The following TPD52L1 variants were observed in gnomAD, a reference collection of about 807,000 sequenced individuals.
TPD52L1 encodes tumor protein D53.
Under a neutral mutation model 28.7 loss-of-function variants are expected in TPD52L1, and 18 were observed. The observed-to-expected ratio is 0.63, with a 90% confidence interval of 0.43 to 0.93. The LOEUF is 0.93. Ranked by LOEUF, TPD52L1 falls within the 40% of genes least tolerant of loss-of-function variation. The pLI is 0.00. For synonymous variants in TPD52L1, 75 were observed against 88.8 expected, an observed-to-expected ratio of 0.84 and a Z score of 0.88; for missense variants, 203 against 254.8, an observed-to-expected ratio of 0.80 and a Z score of 1.39.
intron 1 of TPD52L1, among the ~76,000 whole-genome samples, chr6:125,176,897 G>C (rs888473155): frequency 2.2e-4 from 33 of 152,076 alleles, no homozygotes; most frequent in African/African-American, 7.5e-4. Flanking sequence ...AATTAGCTGG[G>C]TGTGATGGTG....
intron 1 of TPD52L1, among the ~76,000 whole-genome samples, chr6:125,208,656 T>C (rs1794319269): frequency 6.6e-6 from 1 of 152,174 alleles, no homozygotes; most frequent in Admixed American, 6.5e-5. Context: ...TGGTCTGCCC[T>C]TACACCCTCA....
At chr6:125,193,109 T>C (rs748876373) in intron 1 of TPD52L1, among the ~76,000 whole-genome samples, 15 of 152,210 alleles carry the variant, frequency 9.9e-5, no homozygotes, top group Non-Finnish European at 1.0e-4. Flanking sequence ...AAGCTAACTG[T>C]GATGACTGGG....
At chr6:125,194,483 T>TC (rs1438609929) in intron 1 of TPD52L1, among the ~76,000 whole-genome samples, 4 of 152,150 alleles carry the variant, frequency 2.6e-5, no homozygotes, top group Non-Finnish European at 5.9e-5. Flanking sequence ...GAATTCAACG[T>TC]CCTCTATGAT....
intron 1 of TPD52L1, among the ~76,000 whole-genome samples, chr6:125,160,716 T>C (rs1790461997): frequency 6.6e-6 from 1 of 151,974 alleles, no homozygotes; most frequent in Non-Finnish European, 1.5e-5. Context: ...TAAGGCTGTT[T>C]CATCTATATG....
At chr6:125,185,497 A>G (rs1165285272) in intron 1 of TPD52L1, among the ~76,000 whole-genome samples, 1 of 152,170 alleles carries the variant, frequency 6.6e-6, no homozygotes, top group Non-Finnish European at 1.5e-5. Context: ...AAAAATTTTA[A>G]CAACTTGGAA....
chr6:125,154,750 C>T (rs529730901), intron 1 of TPD52L1, among the ~76,000 whole-genome samples: 27 of 152,162 alleles, frequency 1.8e-4, no homozygotes, highest in African/African-American at 6.5e-4. Flanking sequence ...TGGAAAGGGG[C>T]AGAGGTGGGC....
intron 1 of TPD52L1, among the ~76,000 whole-genome samples, chr6:125,202,760 G>T (rs903011438): frequency 4.0e-4 from 36 of 89,052 alleles, no homozygotes; most frequent in African/African-American, 2.4e-3. Flanking sequence ...ACATTTGGAG[G>T]TTTATCTTTT....
intron 3 of TPD52L1, among the ~76,000 whole-genome samples, chr6:125,244,149 GGTGA>G (rs1438596865): frequency 6.6e-6 from 1 of 151,864 alleles, no homozygotes; most frequent in African/African-American, 2.4e-5. Context: ...TTGGTGAGTG[GGTGA>G]GTTCACTGCC....
intron 1 of TPD52L1, among the ~76,000 whole-genome samples, chr6:125,212,363 G>A (rs1372125934): frequency 1.3e-5 from 2 of 152,096 alleles, no homozygotes; most frequent in Non-Finnish European, 1.5e-5. Flanking sequence ...ATTCAAAAGC[G>A]ATTCTGCAAC....
chr6:125,181,075 A>T (rs934460374), intron 1 of TPD52L1, among the ~76,000 whole-genome samples: 1 of 152,206 alleles, frequency 6.6e-6, no homozygotes, highest in Admixed American at 6.5e-5. Flanking sequence ...TTTTCTCTTT[A>T]AGATCTGGAA....
intron 3 of TPD52L1, among the ~76,000 whole-genome samples, chr6:125,236,316 A>C (rs2115004957): frequency 6.6e-6 from 1 of 152,302 alleles, no homozygotes; most frequent in Admixed American, 6.5e-5. Context: ...TGGGGACATA[A>C]ATAATATTAA....
chr6:125,158,138 A>G (rs576138316), intron 1 of TPD52L1, among the ~76,000 whole-genome samples: 1 of 151,966 alleles, frequency 6.6e-6, no homozygotes, highest in South Asian at 2.1e-4. Context: ...ATCCAGGATA[A>G]TCTCTCTCTC....
intron 1 of TPD52L1, among the ~76,000 whole-genome samples, chr6:125,206,698 C>T (rs1049926509): frequency 1.3e-5 from 2 of 152,092 alleles, no homozygotes; most frequent in Non-Finnish European, 2.9e-5. Context: ...TTCAAATCTA[C>T]GCCAGAAGCA....
chr6:125,158,352 A>C (rs1790276440), intron 1 of TPD52L1, among the ~76,000 whole-genome samples: 1 of 152,188 alleles, frequency 6.6e-6, no homozygotes, highest in Admixed American at 6.5e-5. Context: ...TTAAATGAAA[A>C]TGTCATTATA....
chr6:125,238,470 T>C (rs1424247499), intron 3 of TPD52L1, among the ~76,000 whole-genome samples: 1 of 152,134 alleles, frequency 6.6e-6, no homozygotes, highest in African/African-American at 2.4e-5. Flanking sequence ...ACAGTGTACA[T>C]TGTACCCAAG....
At chr6:125,174,465 G>A (rs180992157) in intron 1 of TPD52L1, among the ~76,000 whole-genome samples, 2 of 152,214 alleles carry the variant, frequency 1.3e-5, no homozygotes, top group East Asian at 1.9e-4. Flanking sequence ...GTAAGTTGAC[G>A]GAATTTGGCT....
chr6:125,173,711 TG>T (rs751024816), intron 1 of TPD52L1, among the ~76,000 whole-genome samples: 5 of 152,250 alleles, frequency 3.3e-5, no homozygotes, highest in Non-Finnish European at 5.9e-5. Context: ...CCTTAAACTA[TG>T]TTTGCTTTTT....
rs373178996 is a variant in TPD52L1, at chr6:125,229,109, G to T, written c.136-9G>T. On this transcript the variant is annotated splice_polypyrimidine_tract_variant and intron_variant, in intron 2 of 6. Coordinates refer to ENST00000534000, the MANE Select transcript of TPD52L1 (RefSeq NM_003287.4). ...CATTTTCCCCCACCATTTCCCCTCC[G>T]CCTTGTAGCTAGAAGACGAAATTAC... The T allele has an allele frequency of 3.1e-6, 5 of 1,609,640 alleles. No individual in the cohort carries two copies. The African/African-American group carries it at 6.7e-5, about 22-fold the overall frequency.
intron 1 of TPD52L1, among the ~76,000 whole-genome samples, chr6:125,173,571 A>T (rs1322833260): frequency 6.6e-6 from 1 of 152,182 alleles, no homozygotes; most frequent in Non-Finnish European, 1.5e-5. Flanking sequence ...AGAGGGTTGG[A>T]TTAGTCGCCC....
Sources: allele counts gnomAD v4.1 joint callset (sites outside exome capture counted in the v4.1 genomes callset), GRCh38; gene constraint gnomAD v4.1.1; transcripts MANE v1.5; gene names NCBI Gene and HGNC (gene_info 2026-07-23, HGNC 2026-07-21).